The following PKDCC variants were observed in gnomAD, a reference collection of about 807,000 sequenced individuals.
PKDCC encodes the protein extracellular tyrosine-protein kinase PKDCC.
Under a neutral mutation model 44.7 loss-of-function variants are expected in PKDCC, and 35 were observed. The ratio of observed to expected loss-of-function variants is 0.78; its 90% CI spans 0.60 to 1.04. The LOEUF (loss-of-function observed/expected upper bound fraction) is 1.04. Among genes scored for constraint, PKDCC ranks in the 50% least tolerant of loss-of-function variants. The pLI is 0.00. For missense variants in PKDCC, 738 were observed against 672.7 expected (o/e 1.10, Z -1.07); for synonymous variants, 353 against 303.3 (o/e 1.16, Z -1.70).
chr2:42,055,447 A>G lies in PKDCC; in HGVS notation c.1222+54A>G. On this transcript the variant is annotated intron_variant, in intron 5 of 6. Coordinates refer to ENST00000294964, the MANE Select transcript of PKDCC (RefSeq NM_138370.3). The surrounding 1 kb of genome is among the most constrained non-coding windows in gnomAD (Gnocchi z 4.5). ...AAGCAAGAAACAGGTGGGAGGGTGA[A>G]TGACCCCGCCCAATTAGGCTAAGTG... The G allele has an allele frequency of 1.3e-6, 2 of 1,530,520 alleles. No individual in the cohort carries two copies. Among genetic ancestry groups the G allele is most frequent in the African/African-American group, 1.4e-5 (1 of 73,766 alleles). 94.8% of individuals were successfully genotyped at this position (1,530,520 alleles called of 1,614,324 possible). A position where few individuals can be genotyped will look rare whatever the true frequency, so the allele number is the denominator to read the frequency against.
rs971150384 is a variant in PKDCC, at chr2:42,054,523, C to T, written c.1034+216C>T. The T allele has an allele frequency of 6.6e-6, 4 of 608,606 alleles. No individual in the cohort carries two copies. Among genetic ancestry groups the T allele is most frequent in the African/African-American group, 3.7e-5 (2 of 54,082 alleles). 37.7% of individuals were successfully genotyped at this position (608,606 alleles called of 1,614,324 possible). On this transcript the variant is annotated intron_variant, in intron 3 of 6. Transcript: ENST00000294964. This position sits in a 1 kb window ranked among gnomAD's most constrained non-coding sequence, Gnocchi z 6.1. ...AAGGAGAATCCGGGTTAGGGGGTGG[C>T]AGCTGGAGGCTTCTTAAAATAGTGT...
rs187331841 is a variant in PKDCC at position 42,054,407 on chromosome 2, C to T, written c.1034+100C>T. ...CGTGGAGGCCAGCTGGGCAGGGAGA[C>T]TCAGCCTTGACCAGAGCAAGGGAAG... is the stretch of plus-strand genomic sequence containing the variant. On this transcript the variant is annotated intron_variant, in intron 3 of 6. Coordinates refer to ENST00000294964, the MANE Select transcript of PKDCC (RefSeq NM_138370.3). The surrounding 1 kb of genome is among the most constrained non-coding windows in gnomAD (Gnocchi z 6.1). 5,253 of 1,405,336 alleles carry T rather than the reference C, an allele frequency of 3.7e-3. 311 individuals are homozygous for T. The Admixed American group carries it at 0.1, about 27-fold the overall frequency. The allele number at this position is 1,405,336 out of a possible 1,614,324, so 87.1% of individuals were successfully genotyped here. A position where few individuals can be genotyped will look rare whatever the true frequency, so the allele number is the denominator to read the frequency against.
rs368278907 is a variant in PKDCC at position 42,054,938 on chromosome 2, C to T, written c.1035-3C>T. 4.3e-6 allele frequency: 7 copies of T among 1,613,192 alleles called. No individual in the cohort carries two copies. In the South Asian group the frequency reaches 4.4e-5, roughly 10 times the overall value. ...CTGAGCCACTGGTTTCCCTCTGCCA[C>T]AGGTTTTTCTTCACATACCTCCTGC... On this transcript the variant is annotated splice_region_variant and splice_polypyrimidine_tract_variant and intron_variant, in intron 3 of 6. Transcript: ENST00000294964. This position sits in a 1 kb window ranked among gnomAD's most constrained non-coding sequence, Gnocchi z 6.1.
rs1244492040 is a variant in PKDCC at position 42,048,432 on chromosome 2, G to C, written c.233G>C (p.Gly78Ala). 6.2e-6 allele frequency: 7 copies of C among 1,120,862 alleles called. No individual in the cohort carries two copies. The highest frequency in any genetic ancestry group is 7.6e-6 in the Non-Finnish European group (7 of 919,974). 69.4% of individuals were successfully genotyped at this position (1,120,862 alleles called of 1,614,324 possible). The change falls in exon 1 of 7, where the codon GGG (glycine) becomes GCG (alanine). Residue 78 changes from glycine to alanine, a missense_variant. By Grantham distance (60) the Gly-to-Ala change is moderately conservative (BLOSUM62 0). Transcript: ENST00000294964. The surrounding 1 kb of genome is among the most constrained non-coding windows in gnomAD (Gnocchi z 6.2). The part of the protein sequence containing the change: ...QRYSRGGPGP[G>A]AGRPERRRLM... The stretch of plus-strand genomic sequence containing the variant: ...TATTCCCGCGGGGGCCCCGGGCCCG[G>C]GGCGGGCCGGCCGGAGCGGCGGCGC...
intron 5 of PKDCC, among the ~76,000 whole-genome samples, chr2:42,056,546 C>G (rs1668059526): frequency 6.6e-6 from 1 of 152,116 alleles, no homozygotes; most frequent in Admixed American, 6.5e-5. Flanking sequence ...CCTTGCAGGC[C>G]ACACTGGATG....
In PKDCC at chr2:42,054,749, G is replaced by A. The variant is rs188002174; in HGVS notation, c.1035-192G>A. The stretch of plus-strand genomic sequence containing the variant: ...GGCCCCTGGTTTCGGTTAGTATGAA[G>A]TTAGGTGTGGTGTTAGCATGTGCCC... On this transcript the variant is annotated intron_variant, in intron 3 of 6. Coordinates refer to ENST00000294964, the MANE Select transcript of PKDCC (RefSeq NM_138370.3). The surrounding 1 kb of genome is among the most constrained non-coding windows in gnomAD (Gnocchi z 6.1). The A allele has an allele frequency of 1.7e-5, 11 of 660,466 alleles. No homozygotes were observed. The Admixed American group carries it at 2.4e-4, about 15-fold the overall frequency. 40.9% of individuals were successfully genotyped at this position (660,466 alleles called of 1,614,324 possible).
At position 42,048,747 on chromosome 2, in the gene PKDCC, G is replaced by A. The variant is rs777043210; in HGVS notation, c.548G>A (p.Gly183Glu). The A allele has an allele frequency of 3.2e-6, 5 of 1,579,244 alleles. No homozygotes were observed. The African/African-American group carries it at 6.7e-5, about 21-fold the overall frequency. ...CTGGGCAGCTGCGTGCGCGAGTTCG[G>A]GGTACGGAGGGGCTGCTATCGGCTG... ...HDLGSCVREF[G>E]VRRGCYRLAA... Residue 183 changes from glycine (G) to glutamate (E), a missense_variant, in exon 1 of 7, where the codon GGG (glycine) becomes GAG (glutamate). By Grantham distance (98) the Gly-to-Glu change is moderately conservative. Coordinates refer to ENST00000294964, the MANE Select transcript of PKDCC (RefSeq NM_138370.3). This position sits in a 1 kb window ranked among gnomAD's most constrained non-coding sequence, Gnocchi z 6.2.
rs1197928801 is a variant in PKDCC at position 42,055,839 on chromosome 2, C to T, written c.1222+446C>T. Among the ~76,000 whole-genome samples, 5 of 152,150 alleles carry T rather than the reference C, an allele frequency of 3.3e-5. No individual in the cohort carries two copies. Among genetic ancestry groups the T allele is most frequent in the African/African-American group, 1.2e-4 (5 of 41,420 alleles). On this transcript the variant is annotated intron_variant, in intron 5 of 6. Coordinates refer to ENST00000294964, the MANE Select transcript of PKDCC (RefSeq NM_138370.3). This position sits in a 1 kb window ranked among gnomAD's most constrained non-coding sequence, Gnocchi z 4.5. ...CTGGAACGCAGTATATGTTTGCTTCCCTTTCCTTCCTCTAACCTCCCGGGG... is the reference window on the plus strand; with the variant it reads ...CTGGAACGCAGTATATGTTTGCTTCTCTTTCCTTCCTCTAACCTCCCGGGG...
Position 42,052,102 on chromosome 2 carries a change from C to T in PKDCC, c.640-1137C>T, listed in dbSNP as rs1402200485. Among the ~76,000 whole-genome samples, 1 of 152,076 alleles carries T rather than the reference C, an allele frequency of 6.6e-6. No individual in the cohort carries two copies. The highest frequency in any genetic ancestry group is 1.9e-4 in the East Asian group (1 of 5,190). On this transcript the variant is annotated intron_variant, in intron 1 of 6. Coordinates refer to ENST00000294964, the MANE Select transcript of PKDCC (RefSeq NM_138370.3). This position sits in a 1 kb window ranked among gnomAD's most constrained non-coding sequence, Gnocchi z 4.3. The stretch of plus-strand genomic sequence containing the variant: ...CACTCAGGCTTTGCTTCCCAGAAGT[C>T]CCTGGGCAGTGCGGAGCTTCTCCCC...
rs921819463 is a variant in PKDCC at position 42,057,658 on chromosome 2, C to A, written c.1452C>A (p.Asn484Lys). 2 of 1,613,936 alleles carry A rather than the reference C, an allele frequency of 1.2e-6. No individual in the cohort carries two copies. The highest frequency in any genetic ancestry group is 2.7e-5 in the African/African-American group (2 of 74,940). The change falls in exon 7 of 7, where the codon AAC becomes AAA. Residue 484 changes from asparagine to lysine, a missense_variant. Coordinates refer to ENST00000294964, the MANE Select transcript of PKDCC (RefSeq NM_138370.3). ...TGWSQVVPDPNKTTYVKASG is the reference protein window; with the variant it reads ...TGWSQVVPDPKKTTYVKASG ...GGAGCCAAGTGGTCCCTGATCCCAA[C>A]AAGACCACATATGTGAAGGCCTCTG...
In PKDCC at chr2:42,048,970, G is replaced by A. The variant is rs534343996; in HGVS notation, c.639+132G>A. The A allele has an allele frequency of 4.9e-5, 63 of 1,298,930 alleles. No individual in the cohort carries two copies. In the Middle Eastern group the frequency reaches 2.0e-3, roughly 42 times the overall value. 80.5% of individuals were successfully genotyped at this position (1,298,930 alleles called of 1,614,324 possible). A position where few individuals can be genotyped will look rare whatever the true frequency, so the allele number is the denominator to read the frequency against. On this transcript the variant is annotated intron_variant, in intron 1 of 6. Coordinates refer to ENST00000294964, the MANE Select transcript of PKDCC (RefSeq NM_138370.3). The surrounding 1 kb of genome is among the most constrained non-coding windows in gnomAD (Gnocchi z 6.2). ...CCAGGCTAAGCTAGACGCAGAAACC[G>A]GACCATGGCCCTTCCCACTGCACCA...
chr2:42,051,821 G>A lies in PKDCC; in HGVS notation c.640-1418G>A, dbSNP rs1018973901. Among the ~76,000 whole-genome samples, 11 of 152,076 alleles carry A rather than the reference G, an allele frequency of 7.2e-5. No individual in the cohort carries two copies. Among genetic ancestry groups the A allele is most frequent in the African/African-American group, 1.2e-4 (5 of 41,398 alleles). On this transcript the variant is annotated intron_variant, in intron 1 of 6. Transcript: ENST00000294964. This position sits in a 1 kb window ranked among gnomAD's most constrained non-coding sequence, Gnocchi z 4.2. ...GGAGCTGAGGGGGCACTCCTAGGGC[G>A]GGAAGAGGACATGTGAGGACCTGGA...
intron 1 of PKDCC, 111 bp from the exon 2 acceptor site, chr2:42,053,128 G>A: frequency 7.9e-7 from 1 of 1,272,278 alleles, no homozygotes. Flanking sequence ...CTGAGCTGAA[G>A]CAAAGGCCTG....
rs539052427 is a variant in PKDCC, at chr2:42,053,113, C to T, written c.640-126C>T. 7 of 1,110,944 alleles carry T rather than the reference C, an allele frequency of 6.3e-6. No individual in the cohort carries two copies. The African/African-American group carries it at 9.4e-5, about 15-fold the overall frequency. 68.8% of individuals were successfully genotyped at this position (1,110,944 alleles called of 1,614,324 possible). On this transcript the variant is annotated intron_variant, in intron 1 of 6. Transcript: ENST00000294964. ...TCCCAGGCAACGCTGCCATTCTCTT[C>T]TGGCCTGAGCTGAAGCAAAGGCCTG...
Position 42,048,185 on chromosome 2 carries a change from G to A in PKDCC, c.-15G>A, listed in dbSNP as rs1208188105. On this transcript the variant is annotated 5_prime_UTR_variant, in exon 1 of 7. Transcript: ENST00000294964. The surrounding 1 kb of genome is among the most constrained non-coding windows in gnomAD (Gnocchi z 6.2). ...GGGAGCCGCGCGGGGCCGGCCGGCC[G>A]GGGGGAGGGGAGCGATGCGGCGCCG... is the stretch of plus-strand genomic sequence containing the variant. 72 of 1,103,930 alleles carry A rather than the reference G, an allele frequency of 6.5e-5. 1 individual carries two copies. The highest frequency in any genetic ancestry group is 4.1e-4 in the Middle Eastern group (1 of 2,442). The allele number at this position is 1,103,930 out of a possible 1,614,324, so 68.4% of individuals were successfully genotyped here. A position where few individuals can be genotyped will look rare whatever the true frequency, so the allele number is the denominator to read the frequency against.
chr2:42,058,337 T>TGGGGCC lies in PKDCC; in HGVS notation c.*656_*661dup, dbSNP rs1668093939. ...TTTGAGCCAGGACCTGGGGCGGGGGTGGGGCCGGGGCCTTTCTGCCTCATT... is the reference window on the plus strand; with the variant it reads ...TTTGAGCCAGGACCTGGGGCGGGGGTGGGGCCGGGGCCGGGGCCTTTCTGCCTCATT... On this transcript the variant is annotated 3_prime_UTR_variant, in exon 7 of 7. Coordinates refer to ENST00000294964, the MANE Select transcript of PKDCC (RefSeq NM_138370.3). This position sits in a 1 kb window ranked among gnomAD's most constrained non-coding sequence, Gnocchi z 4.2. The TGGGGCC allele has an allele frequency of 6.8e-6, 1 of 147,716 alleles. No individual in the cohort carries two copies. The highest frequency in any genetic ancestry group is 2.3e-4 in the South Asian group (1 of 4,292). 9.2% of individuals were successfully genotyped at this position (147,716 alleles called of 1,614,324 possible). A position where few individuals can be genotyped will look rare whatever the true frequency, so the allele number is the denominator to read the frequency against.
chr2:42,048,159 G>C lies in PKDCC; in HGVS notation c.-41G>C, dbSNP rs1667894136. 4 of 1,020,910 alleles carry C rather than the reference G, an allele frequency of 3.9e-6. No individual in the cohort carries two copies. Among genetic ancestry groups the C allele is most frequent in the Non-Finnish European group, 4.7e-6 (4 of 856,918 alleles). The allele number at this position is 1,020,910 out of a possible 1,614,324, so 63.2% of individuals were successfully genotyped here. A position where few individuals can be genotyped will look rare whatever the true frequency, so the allele number is the denominator to read the frequency against. Reference sequence around the variant, plus strand: ...GCCTGAGCCGCCCGGGGCCGGGGCCGGGGAGCCGCGCGGGGCCGGCCGGCC... The same window carrying C: ...GCCTGAGCCGCCCGGGGCCGGGGCCCGGGAGCCGCGCGGGGCCGGCCGGCC... On this transcript the variant is annotated 5_prime_UTR_variant, in exon 1 of 7. Transcript: ENST00000294964. The surrounding 1 kb of genome is among the most constrained non-coding windows in gnomAD (Gnocchi z 6.2).
In PKDCC at chr2:42,054,467, T is replaced by G; in HGVS notation, c.1034+160T>G. 1 of 861,592 alleles carries G rather than the reference T, an allele frequency of 1.2e-6. No individual in the cohort carries two copies. The highest frequency in any genetic ancestry group is 1.8e-6 in the Non-Finnish European group (1 of 570,398). The allele number at this position is 861,592 out of a possible 1,614,324, so 53.4% of individuals were successfully genotyped here. A position where few individuals can be genotyped will look rare whatever the true frequency, so the allele number is the denominator to read the frequency against. On this transcript the variant is annotated intron_variant, in intron 3 of 6. Coordinates refer to ENST00000294964, the MANE Select transcript of PKDCC (RefSeq NM_138370.3). This position sits in a 1 kb window ranked among gnomAD's most constrained non-coding sequence, Gnocchi z 6.1. ...CTGTCCAGAAGGGAACATTCAGGCC[T>G]CTGATGGAGAGGCTAAAAATAGACA...
At position 42,057,972 on chromosome 2, in the gene PKDCC, T is replaced by G; in HGVS notation, c.*284T>G. On this transcript the variant is annotated 3_prime_UTR_variant, in exon 7 of 7. Coordinates refer to ENST00000294964, the MANE Select transcript of PKDCC (RefSeq NM_138370.3). The stretch of plus-strand genomic sequence containing the variant: ...GGCTGTAAGCAAGCTCAGGCTAGTC[T>G]CCCCACTGGGGGCTGTGCCCCTCCC... 1 of 459,804 alleles carries G rather than the reference T, an allele frequency of 2.2e-6. No individual in the cohort carries two copies. Among genetic ancestry groups the G allele is most frequent in the Non-Finnish European group, 3.9e-6 (1 of 254,020 alleles). The allele number at this position is 459,804 out of a possible 1,614,324, so 28.5% of individuals were successfully genotyped here. A position where few individuals can be genotyped will look rare whatever the true frequency, so the allele number is the denominator to read the frequency against.
Sources: gnomAD v4.1 joint callset for allele counts (sites outside exome capture counted in the v4.1 genomes callset) on GRCh38, gnomAD v4.1.1 for gene constraint, Gnocchi (gnomAD v3.1) non-coding constraint, MANE v1.5 for transcripts, NCBI Gene and HGNC (gene_info 2026-07-23, HGNC 2026-07-21) for gene names.